The following ZDHHC15 variants were observed in gnomAD, a reference collection of about 807,000 sequenced individuals.
The protein encoded by ZDHHC15 is palmitoyltransferase ZDHHC15.
In ZDHHC15, 19 loss-of-function variants were observed where a neutral mutation model predicts 31.7. The observed-to-expected ratio is 0.60, with a 90% CI of 0.42 to 0.88. The LOEUF (loss-of-function observed/expected upper bound fraction) is 0.88, where lower values mean the gene tolerates loss of function less well. Among genes scored for constraint, ZDHHC15 ranks in the 40% least tolerant of loss-of-function variants. The pLI is 0.00. For missense variants in ZDHHC15, 209 were observed against 251.2 expected, an observed-to-expected ratio of 0.83 and a Z score of 1.14; for synonymous variants, 103 against 90.0, an observed-to-expected ratio of 1.14 and a Z score of -0.82.
At chrX:75,502,883 G>C (rs763106978) in intron 2 of ZDHHC15, among the ~76,000 whole-genome samples, 1 of 109,781 alleles carries the variant, frequency 9.1e-6, no homozygotes, top group Non-Finnish European at 1.9e-5. Context: ...ATGATCTATG[G>C]GAAAACATAT....
At chrX:75,465,641 A>G (rs772375363) in intron 3 of ZDHHC15, among the ~76,000 whole-genome samples, 60 of 111,306 alleles carry the variant, frequency 5.4e-4, no homozygotes, top group African/African-American at 1.9e-3. Context: ...CAGAAATAAG[A>G]CCACACGCCA....
At chrX:75,390,984 G>T (rs2083236284) in intron 10 of ZDHHC15, among the ~76,000 whole-genome samples, 1 of 111,507 alleles carries the variant, frequency 9.0e-6, no homozygotes, top group Non-Finnish European at 1.9e-5. Flanking sequence ...ATACAGAGAA[G>T]GAATTCAGAA....
chrX:75,433,715 ATATG>A (rs2083814334), intron 4 of ZDHHC15, among the ~76,000 whole-genome samples: 4 of 104,387 alleles, frequency 3.8e-5, no homozygotes, highest in Non-Finnish European at 7.8e-5. Flanking sequence ...ATATATATAT[ATATG>A]TAACATTTTC....
chrX:75,492,752 T>C (rs143514779), intron 2 of ZDHHC15, among the ~76,000 whole-genome samples: 1,325 of 111,579 alleles, frequency 0.012, 17 homozygotes, highest in African/African-American at 0.041. Context: ...AGACACAACA[T>C]ACCAGAATCT....
intron 10 of ZDHHC15, among the ~76,000 whole-genome samples, chrX:75,403,124 C>A (rs1355807642): frequency 8.9e-6 from 1 of 112,168 alleles, no homozygotes; most frequent in Non-Finnish European, 1.9e-5. Context: ...ATAAATAGAA[C>A]TAAAGACAAA....
At chrX:75,489,166 C>A (rs1331972543) in intron 2 of ZDHHC15, among the ~76,000 whole-genome samples, 1 of 112,106 alleles carries the variant, frequency 8.9e-6, no homozygotes, top group Non-Finnish European at 1.9e-5. Context: ...CCTCTGGGGG[C>A]AGGGCACAGA....
At chrX:75,430,407 T>C (rs1461230393) in intron 5 of ZDHHC15, among the ~76,000 whole-genome samples, 1 of 111,455 alleles carries the variant, frequency 9.0e-6, no homozygotes, top group Non-Finnish European at 1.9e-5. Flanking sequence ...CATGTATCAA[T>C]ATAAAAATGG....
chrX:75,398,616 T>A (rs1002533040), intron 10 of ZDHHC15, among the ~76,000 whole-genome samples: 2 of 110,192 alleles, frequency 1.8e-5, no homozygotes, highest in Non-Finnish European at 3.8e-5. Context: ...ACTGCCTTTA[T>A]AAGTGGGTCC....
intron 2 of ZDHHC15, among the ~76,000 whole-genome samples, chrX:75,496,412 C>G (rs890303687): frequency 9.0e-6 from 1 of 111,262 alleles, no homozygotes; most frequent in Admixed American, 9.6e-5. Context: ...TAGTGGGGGA[C>G]TTCGATACTC....
At chrX:75,476,583 C>T (rs1480745599) in intron 3 of ZDHHC15, among the ~76,000 whole-genome samples, 3 of 109,828 alleles carry the variant, frequency 2.7e-5, no homozygotes, top group African/African-American at 3.3e-5. Flanking sequence ...TAGTAATTTA[C>T]GTCTTCCTTT....
intron 2 of ZDHHC15, among the ~76,000 whole-genome samples, chrX:75,494,196 T>G (rs1036966239): frequency 3.5e-4 from 39 of 111,045 alleles, no homozygotes; most frequent in African/African-American, 7.5e-4. Context: ...GCTTCAAAGA[T>G]AATAAAATAC....
intron 10 of ZDHHC15, among the ~76,000 whole-genome samples, chrX:75,384,099 C>A (rs2147763823): frequency 9.0e-6 from 1 of 111,330 alleles, no homozygotes; most frequent in South Asian, 3.8e-4. Flanking sequence ...CTTGGTCAAC[C>A]AGACAGCCAT....
At chrX:75,464,340 C>T (rs779674175) in intron 3 of ZDHHC15, among the ~76,000 whole-genome samples, 468 of 110,534 alleles carry the variant, frequency 4.2e-3, no homozygotes, top group Non-Finnish European at 7.1e-3. Flanking sequence ...ATGTAAATGA[C>T]GAGTTAATGG....
At chrX:75,475,263 C>T (rs1302390465) in intron 3 of ZDHHC15, among the ~76,000 whole-genome samples, 1 of 111,082 alleles carries the variant, frequency 9.0e-6, no homozygotes, top group Non-Finnish European at 1.9e-5. Flanking sequence ...TGTATGTTTA[C>T]TTTTTTACAG....
At chrX:75,441,075 C>T (rs1196219308) in intron 4 of ZDHHC15, among the ~76,000 whole-genome samples, 2 of 112,036 alleles carry the variant, frequency 1.8e-5, no homozygotes, top group Admixed American at 9.4e-5. Flanking sequence ...GCAGGGCTGA[C>T]ATCTTGCCTT....
intron 3 of ZDHHC15, among the ~76,000 whole-genome samples, chrX:75,473,030 C>T (rs754820825): frequency 1.8e-5 from 2 of 112,093 alleles, no homozygotes; most frequent in South Asian, 7.6e-4. Context: ...TCTGTCAATA[C>T]AATACATGGA....
chrX:75,496,986 A>C (rs1338584285), intron 2 of ZDHHC15, among the ~76,000 whole-genome samples: 1 of 112,027 alleles, frequency 8.9e-6, no homozygotes, highest in Non-Finnish European at 1.9e-5. Context: ...AAAAAGTAAC[A>C]AAGTCAGAGC....
At chrX:75,495,530 C>T (rs1234321911) in intron 2 of ZDHHC15, among the ~76,000 whole-genome samples, 3 of 110,514 alleles carry the variant, frequency 2.7e-5, no homozygotes, top group Non-Finnish European at 5.7e-5. Context: ...TGGAACCAAC[C>T]CAAATATCCA....
chrX:75,411,132 A>C (rs760449347), intron 10 of ZDHHC15, among the ~76,000 whole-genome samples: 1 of 112,095 alleles, frequency 8.9e-6, no homozygotes, highest in African/African-American at 3.2e-5. Context: ...TAATGGGTGT[A>C]AGTATACAAT....
Sources: allele counts gnomAD v4.1 joint callset (sites outside exome capture counted in the v4.1 genomes callset), GRCh38; gene constraint gnomAD v4.1.1; transcripts MANE v1.5; gene names NCBI Gene and HGNC (gene_info 2026-07-23, HGNC 2026-07-21).